Variants in HMHB1 observed in about 807,000 individuals in gnomAD.
HMHB1 encodes the protein minor histocompatibility protein HB-1.
HMHB1 carries 4 observed loss-of-function variants against 2.4 expected under a neutral mutation model. The ratio of observed to expected loss-of-function variants is 1.65; its 90% CI spans 0.81 to 3.77. The LOEUF is 3.77. Ranked by LOEUF, HMHB1 falls within the 30% of genes most tolerant of loss-of-function variation. The pLI is 0.01. For synonymous variants in HMHB1, 22 were observed against 17.6 expected (o/e 1.25, Z -0.63); for missense variants, 57 against 44.2 (o/e 1.29, Z -0.82).
At chr5:143,812,794 G>C (rs757012791) in intron 1 of HMHB1, among the ~76,000 whole-genome samples, 2 of 152,058 alleles carry the variant, frequency 1.3e-5, no homozygotes, top group Non-Finnish European at 2.9e-5. Context: ...ATCATGTGCC[G>C]GGGGCTTTGC....
chr5:143,818,855 C>T (rs530151042), intron 1 of HMHB1, among the ~76,000 whole-genome samples: 1 of 152,076 alleles, frequency 6.6e-6, no homozygotes, highest in Non-Finnish European at 1.5e-5. Flanking sequence ...AATGGTTAGA[C>T]CTTCTGTTGC....
rs969778860 is a variant in HMHB1, at chr5:143,817,975, A to G, written c.38-2505A>G. ...ATTATATTCATGGATTAGAAGGCTCAATATTAAGACAGCAATATCCCCAAA... is the reference window on the plus strand; with the variant it reads ...ATTATATTCATGGATTAGAAGGCTCGATATTAAGACAGCAATATCCCCAAA... On this transcript the variant is annotated intron_variant, in intron 1 of 1. Transcript: ENST00000289448. Among the ~76,000 whole-genome samples the G allele has an allele frequency of 8.5e-5, 13 of 152,352 alleles. 1 individual carries two copies. In the East Asian group the frequency reaches 2.3e-3, roughly 27 times the overall value.
In HMHB1 at chr5:143,820,681, C is replaced by A; in HGVS notation, c.*113C>A. On this transcript the variant is annotated 3_prime_UTR_variant, in exon 2 of 2. Coordinates refer to ENST00000289448, the MANE Select transcript of HMHB1 (RefSeq NM_021182.3). ...AGCAAGTGGAACATATGCCCTTTGC[C>A]TCTGCTCTGCACAGTGAAATGAAAA... is the stretch of plus-strand genomic sequence containing the variant. 2.8e-6 allele frequency: 2 copies of A among 703,206 alleles called. No homozygotes were observed. The highest frequency in any genetic ancestry group is 2.6e-6 in the Non-Finnish European group (1 of 383,054). 43.6% of individuals were successfully genotyped at this position (703,206 alleles called of 1,614,324 possible). A position where few individuals can be genotyped will look rare whatever the true frequency, so the allele number is the denominator to read the frequency against.
chr5:143,813,235 C>G (rs1581010317), intron 1 of HMHB1, among the ~76,000 whole-genome samples: 1 of 152,208 alleles, frequency 6.6e-6, no homozygotes, highest in Non-Finnish European at 1.5e-5. Flanking sequence ...AATTTTTATG[C>G]TGTTTTATTG....
intron 1 of HMHB1, among the ~76,000 whole-genome samples, chr5:143,814,996 T>C (rs1297579032): frequency 6.6e-6 from 1 of 152,196 alleles, no homozygotes; most frequent in East Asian, 1.9e-4. Flanking sequence ...GCAGCATGGA[T>C]GGTGCAAAAA....
chr5:143,819,069 C>T (rs931274797), intron 1 of HMHB1, among the ~76,000 whole-genome samples: 1 of 152,206 alleles, frequency 6.6e-6, no homozygotes, highest in African/African-American at 2.4e-5. Flanking sequence ...CAACTCCCAC[C>T]TCTCTGTCTC....
At position 143,812,192 on chromosome 5, in the gene HMHB1, C is replaced by T. The variant is rs1759699500; in HGVS notation, c.-76C>T. 3 of 1,406,086 alleles carry T rather than the reference C, an allele frequency of 2.1e-6. No individual in the cohort carries two copies. Among genetic ancestry groups the T allele is most frequent in the South Asian group, 1.3e-5 (1 of 79,258 alleles). 87.1% of individuals were successfully genotyped at this position (1,406,086 alleles called of 1,614,324 possible). A position where few individuals can be genotyped will look rare whatever the true frequency, so the allele number is the denominator to read the frequency against. On this transcript the variant is annotated 5_prime_UTR_variant, in exon 1 of 2. Coordinates refer to ENST00000289448, the MANE Select transcript of HMHB1 (RefSeq NM_021182.3). Reference sequence around the variant, plus strand: ...CCCAGGAGGCCGAGGCGGCTTGCCCCGCATCTCAGAAGCCGGGCAGGCCCT... The same window carrying T: ...CCCAGGAGGCCGAGGCGGCTTGCCCTGCATCTCAGAAGCCGGGCAGGCCCT...
chr5:143,819,652 A>T (rs952585033), intron 1 of HMHB1, among the ~76,000 whole-genome samples: 15 of 146,760 alleles, frequency 1.0e-4, no homozygotes, highest in African/African-American at 3.5e-4. Context: ...AAAAAAAAAA[A>T]GGTGGGGGGC....
At chr5:143,818,182 A>C (rs1759769858) in intron 1 of HMHB1, among the ~76,000 whole-genome samples, 1 of 152,232 alleles carries the variant, frequency 6.6e-6, no homozygotes, top group Admixed American at 6.5e-5. Flanking sequence ...TCCAATAGGC[A>C]TAGTAAAAGA....
chr5:143,814,550 G>A (rs1200018030), intron 1 of HMHB1, among the ~76,000 whole-genome samples: 1 of 152,122 alleles, frequency 6.6e-6, no homozygotes, highest in African/African-American at 2.4e-5. Context: ...GACAGTCTGA[G>A]GCCTATGTGC....
At chr5:143,819,656 G>T (rs913143859) in intron 1 of HMHB1, among the ~76,000 whole-genome samples, 2 of 151,308 alleles carry the variant, frequency 1.3e-5, no homozygotes, top group Non-Finnish European at 2.9e-5. Context: ...AAAAAAAGGT[G>T]GGGGGCGGTG....
intron 1 of HMHB1, among the ~76,000 whole-genome samples, chr5:143,815,334 G>A (rs1759734660): frequency 1.3e-5 from 2 of 152,140 alleles, no homozygotes; most frequent in African/African-American, 4.8e-5. Flanking sequence ...GGCTCTTAGG[G>A]AGAATCCTTT....
At chr5:143,818,145 CA>C (rs1263083723) in intron 1 of HMHB1, among the ~76,000 whole-genome samples, 10 of 152,086 alleles carry the variant, frequency 6.6e-5, no homozygotes, top group African/African-American at 2.4e-4. Context: ...CAATTCTGTT[CA>C]AAAAATTATT....
Position 143,812,322 on chromosome 5 carries a change from A to G in HMHB1, c.37+18A>G. Reference sequence around the variant, plus strand: ...AAAAAGAGGTGAGGGAGCGAGGAGGAGGGAGAACAGAGAGAGAGGGAAAGA... The same window carrying G: ...AAAAAGAGGTGAGGGAGCGAGGAGGGGGGAGAACAGAGAGAGAGGGAAAGA... On this transcript the variant is annotated intron_variant, in intron 1 of 1. Transcript: ENST00000289448. The G allele has an allele frequency of 6.4e-7, 1 of 1,550,420 alleles. No homozygotes were observed.
rs1418674739 is a variant in HMHB1, at chr5:143,816,397, T to C, written c.38-4083T>C. 2.0e-5 allele frequency among the ~76,000 whole-genome samples: 3 copies of C among 152,148 alleles called. No homozygotes were observed. The East Asian group carries it at 5.8e-4, about 29-fold the overall frequency. On this transcript the variant is annotated intron_variant, in intron 1 of 1. Coordinates refer to ENST00000289448, the MANE Select transcript of HMHB1 (RefSeq NM_021182.3). ...GAGTCCCCAAAGTCCACTGTGTCATTATTATGCCTTTGCGTCCTCACAGCT... is the reference window on the plus strand; with the variant it reads ...GAGTCCCCAAAGTCCACTGTGTCATCATTATGCCTTTGCGTCCTCACAGCT...
At position 143,815,498 on chromosome 5, in the gene HMHB1, T is replaced by C. The variant is rs1759736524; in HGVS notation, c.37+3194T>C. ...TGTTTTGCTTCCCTCTTCTACTTTT[T>C]ACTTTTTCTTTTTTCCTTGTATTTT... is the stretch of plus-strand genomic sequence containing the variant. On this transcript the variant is annotated intron_variant, in intron 1 of 1. Transcript: ENST00000289448. Among the ~76,000 whole-genome samples the C allele has an allele frequency of 2.0e-5, 3 of 152,086 alleles. No homozygotes were observed. In the South Asian group the frequency reaches 6.2e-4, roughly 32 times the overall value.
Position 143,820,485 on chromosome 5 carries a change from C to A in HMHB1, c.43C>A (p.Leu15Met). 1 of 1,604,346 alleles carries A rather than the reference C, an allele frequency of 6.2e-7. No homozygotes were observed. The highest frequency in any genetic ancestry group is 1.1e-5 in the South Asian group (1 of 90,844). ...TAAGCCATTCTTTTCTATAGGTTCT[C>A]TGCATGTTTGGAAGTCGGAATTGGT... Residue 15 changes from leucine to methionine, a missense_variant, in exon 2 of 2, where the codon CTG becomes ATG. By Grantham distance (15) the Leu-to-Met change is conservative (BLOSUM62 2). Transcript: ENST00000289448.
intron 1 of HMHB1, among the ~76,000 whole-genome samples, chr5:143,816,363 T>A (rs1759749574): frequency 6.6e-6 from 1 of 151,964 alleles, no homozygotes; most frequent in Non-Finnish European, 1.5e-5. Context: ...CTTCCCACCC[T>A]TTCCCCCTGA....
chr5:143,820,491 G>A lies in HMHB1; in HGVS notation c.49G>A (p.Val17Ile). The A allele has an allele frequency of 6.2e-7, 1 of 1,609,200 alleles. No individual in the cohort carries two copies. The highest frequency in any genetic ancestry group is 2.2e-5 in the East Asian group (1 of 44,828). Residue 17 changes from valine to isoleucine, a missense_variant, in exon 2 of 2, where the codon GTT becomes ATT. Coordinates refer to ENST00000289448, the MANE Select transcript of HMHB1 (RefSeq NM_021182.3). ...ATTCTTTTCTATAGGTTCTCTGCAT[G>A]TTTGGAAGTCGGAATTGGTTGAAGT...
Sources: allele counts gnomAD v4.1 joint callset (sites outside exome capture counted in the v4.1 genomes callset), GRCh38; gene constraint gnomAD v4.1.1; transcripts MANE v1.5; gene names NCBI Gene and HGNC (gene_info 2026-07-23, HGNC 2026-07-21).